The following TRAPPC9 variants were observed in gnomAD, a reference collection of about 807,000 sequenced individuals.
TRAPPC9 encodes trafficking protein particle complex subunit 9, also known as IKK2 binding protein.
In TRAPPC9, 83 loss-of-function variants were observed where a neutral mutation model predicts 124.0. The observed-to-expected ratio is 0.67, with a 90% CI of 0.56 to 0.80. TRAPPC9 has a LOEUF of 0.80. Among genes scored for constraint, TRAPPC9 ranks in the 30% least tolerant of loss-of-function variants. TRAPPC9 has a pLI of 0.00. For missense variants in TRAPPC9, 1,302 were observed against 1,508.3 expected, an observed-to-expected ratio of 0.86 and a Z score of 2.27; for synonymous variants, 638 against 617.5, an observed-to-expected ratio of 1.03 and a Z score of -0.49.
intron 17 of TRAPPC9, among the ~76,000 whole-genome samples, chr8:140,172,943 T>G (rs1419707403): frequency 6.6e-6 from 1 of 152,006 alleles, no homozygotes; most frequent in Non-Finnish European, 1.5e-5. Flanking sequence ...TAGAATGAAA[T>G]GGAGGGAAGA....
chr8:140,445,968 G>T (rs945217977), intron 2 of TRAPPC9, among the ~76,000 whole-genome samples: 1 of 152,156 alleles, frequency 6.6e-6, no homozygotes, highest in Admixed American at 6.6e-5. Context: ...AACAAATGAT[G>T]TGCCACCAGT....
intron 17 of TRAPPC9, 43 bp downstream of exon 17, chr8:140,221,416 C>A (rs1240949695): frequency 6.2e-7 from 1 of 1,612,552 alleles, no homozygotes; most frequent in South Asian, 1.1e-5. Flanking sequence ...TTTGCAGAAG[C>A]CCGAACGGCA....
At chr8:140,242,776 G>A (rs2063890060) in intron 16 of TRAPPC9, among the ~76,000 whole-genome samples, 1 of 152,246 alleles carries the variant, frequency 6.6e-6, no homozygotes, top group Non-Finnish European at 1.5e-5. Flanking sequence ...GTGAAGCAGA[G>A]TCGGGAACAG....
chr8:139,797,191 G>A (rs536798014), intron 21 of TRAPPC9, among the ~76,000 whole-genome samples: 40 of 151,664 alleles, frequency 2.6e-4, no homozygotes, highest in Non-Finnish European at 2.5e-4. Flanking sequence ...TAATCCATCC[G>A]GTGTGTTGTC....
At chr8:139,734,999 G>T (rs2129979670) in intron 21 of TRAPPC9, among the ~76,000 whole-genome samples, 1 of 152,352 alleles carries the variant, frequency 6.6e-6, no homozygotes. Context: ...ACCAGGCTGG[G>T]ATAAACCTGG....
At chr8:139,906,257 C>T (rs1377659452) in intron 20 of TRAPPC9, among the ~76,000 whole-genome samples, 1 of 152,240 alleles carries the variant, frequency 6.6e-6, no homozygotes. Flanking sequence ...CTGTCCACAG[C>T]AGGGACAGGC....
Position 139,732,048 on chromosome 8 carries a change from G to A in TRAPPC9, c.3210C>T (p.Asn1070=), listed in dbSNP as rs757865160. 2.7e-5 allele frequency: 43 copies of A among 1,604,712 alleles called. No individual in the cohort carries two copies. The highest frequency in any genetic ancestry group is 6.8e-5 in the Admixed American group (4 of 58,890). The change falls in exon 22 of 23, where the codon AAC becomes AAT. Residue 1070 remains asparagine, a synonymous_variant. Transcript: ENST00000438773. ...CGTGCAGGTCGTAGTTGTGCACGCCGTTCTGGTGGTCCTGGAAGGGGACCA... is the reference window on the plus strand; with the variant it reads ...CGTGCAGGTCGTAGTTGTGCACGCCATTCTGGTGGTCCTGGAAGGGGACCA... ...LTVVPFQDHQ[N]GVHNYDLHDT...
In TRAPPC9 at chr8:140,097,453, G is replaced by C. The variant is rs2060473050; in HGVS notation, c.2557-73374C>G. 6.6e-6 allele frequency: 1 copy of C among 152,254 alleles called. No individual in the cohort carries two copies. The highest frequency in any genetic ancestry group is 6.5e-5 in the Admixed American group (1 of 15,288). 9.4% of individuals were successfully genotyped at this position (152,254 alleles called of 1,614,324 possible). On this transcript the variant is annotated intron_variant, in intron 17 of 22. Transcript: ENST00000438773. This position sits in a 1 kb window ranked among gnomAD's most constrained non-coding sequence, Gnocchi z 4.2. ...AGTAAGGACTCCCGCCTGAGTCCTG[G>C]CTGCGCAGCCTGTGTTGCCAGTCGC...
At chr8:140,268,836 G>C (rs968652800) in intron 15 of TRAPPC9, among the ~76,000 whole-genome samples, 2 of 152,200 alleles carry the variant, frequency 1.3e-5, no homozygotes, top group Non-Finnish European at 2.9e-5. Flanking sequence ...GAGAGAAGAC[G>C]ACCATGTTGA....
chr8:140,310,283 C>T (rs2066259316), intron 10 of TRAPPC9, among the ~76,000 whole-genome samples: 1 of 152,040 alleles, frequency 6.6e-6, no homozygotes, highest in African/African-American at 2.4e-5. Flanking sequence ...GCAGCAGGCC[C>T]GTGAGTCAAA....
At chr8:140,055,542 A>G (rs530392815) in intron 17 of TRAPPC9, among the ~76,000 whole-genome samples, 1 of 152,372 alleles carries the variant, frequency 6.6e-6, no homozygotes, top group South Asian at 2.1e-4. Context: ...GGAAAAGCAA[A>G]CAAATAAAAG....
chr8:139,739,704 G>A (rs1818433026), intron 21 of TRAPPC9, among the ~76,000 whole-genome samples: 1 of 152,250 alleles, frequency 6.6e-6, no homozygotes, highest in Admixed American at 6.5e-5. Context: ...CCACATTCAT[G>A]TATTTTCTCA....
intron 21 of TRAPPC9, among the ~76,000 whole-genome samples, chr8:139,750,515 A>G (rs1186646862): frequency 1.3e-5 from 2 of 152,314 alleles, no homozygotes; most frequent in Non-Finnish European, 1.5e-5. Flanking sequence ...ATTGCACCCC[A>G]GCATGAAAAG....
At chr8:140,231,784 AAAC>A (rs900657383) in intron 16 of TRAPPC9, among the ~76,000 whole-genome samples, 2 of 151,668 alleles carry the variant, frequency 1.3e-5, no homozygotes, top group African/African-American at 4.8e-5. Context: ...CACGCACATA[AAAC>A]AACACTTTCC....
intron 6 of TRAPPC9, among the ~76,000 whole-genome samples, chr8:140,403,204 A>C (rs1424532844): frequency 6.6e-6 from 1 of 152,144 alleles, no homozygotes; most frequent in Admixed American, 6.5e-5. Flanking sequence ...CAAGGTGAGC[A>C]GATCACTTGA....
At chr8:139,770,855 C>T (rs936458328) in intron 21 of TRAPPC9, among the ~76,000 whole-genome samples, 4 of 152,198 alleles carry the variant, frequency 2.6e-5, no homozygotes, top group African/African-American at 9.7e-5. Context: ...AGGACAGTCC[C>T]ACCACCAGAG....
rs560064729 is a variant in TRAPPC9 at position 139,911,868 on chromosome 8, G to A, written c.2811-1568C>T. Reference sequence around the variant, plus strand: ...TTAAGGGGATATAAAGACAAGATAAGACCCAAAGAAGTCTCAGTCTCCACG... The same window carrying A: ...TTAAGGGGATATAAAGACAAGATAAAACCCAAAGAAGTCTCAGTCTCCACG... On this transcript the variant is annotated intron_variant, in intron 19 of 22. Transcript: ENST00000438773. Among the ~76,000 whole-genome samples, 3 of 152,082 alleles carry A rather than the reference G, an allele frequency of 2.0e-5. No homozygotes were observed. In the South Asian group the frequency reaches 6.2e-4, roughly 32 times the overall value.
At chr8:140,356,284 C>T (rs1165153115) in intron 9 of TRAPPC9, among the ~76,000 whole-genome samples, 1 of 152,204 alleles carries the variant, frequency 6.6e-6, no homozygotes, top group African/African-American at 2.4e-5. Context: ...CATGGACACA[C>T]GTGTAAACAT....
chr8:140,457,299 G>A (rs2071713508), intron 1 of TRAPPC9, among the ~76,000 whole-genome samples: 2 of 152,226 alleles, frequency 1.3e-5, no homozygotes, highest in Admixed American at 6.5e-5. Flanking sequence ...AGGCACAGAG[G>A]GGAAGGGGAC....
Sources: gnomAD v4.1 joint callset for allele counts (sites outside exome capture counted in the v4.1 genomes callset) on GRCh38, gnomAD v4.1.1 for gene constraint, Gnocchi (gnomAD v3.1) non-coding constraint, MANE v1.5 for transcripts, NCBI Gene and HGNC (gene_info 2026-07-23, HGNC 2026-07-21) for gene names.